The following TMEM39B variants were observed in gnomAD, a reference collection of about 807,000 sequenced individuals.
TMEM39B encodes transmembrane protein 39B.
A neutral mutation model predicts 52.2 loss-of-function variants in TMEM39B; 23 were observed. That is an observed-to-expected ratio of 0.44 (90% CI 0.32 to 0.62). The LOEUF is 0.62. Among genes scored for constraint, TMEM39B ranks in the 20% least tolerant of loss-of-function variants. The pLI, the probability that TMEM39B is intolerant of heterozygous loss-of-function variation, is 0.06. For synonymous variants in TMEM39B, 285 were observed against 264.0 expected, an observed-to-expected ratio of 1.08 and a Z score of -0.77; for missense variants, 547 against 642.0, an observed-to-expected ratio of 0.85 and a Z score of 1.60.
At chr1:32,099,088 A>C (rs1410654589) in intron 7 of TMEM39B, among the ~76,000 whole-genome samples, 4 of 152,068 alleles carry the variant, frequency 2.6e-5, no homozygotes, top group African/African-American at 9.7e-5. Context: ...CCGTCTCTAC[A>C]AAAAATACAG....
rs1481705701 is a variant in TMEM39B, at chr1:32,102,411, G to A, written c.1237-20G>A. 3 of 1,608,282 alleles carry A rather than the reference G, an allele frequency of 1.9e-6. No individual in the cohort carries two copies. Among genetic ancestry groups the A allele is most frequent in the South Asian group, 1.1e-5 (1 of 90,432 alleles). On this transcript the variant is annotated intron_variant, in intron 8 of 8. Transcript: ENST00000336294. ...TTTCTGGAGCACACCTTTTAGCCAT[G>A]CCCACCCGCTTCCGGGCAGTTCTTT...
intron 5 of TMEM39B, among the ~76,000 whole-genome samples, chr1:32,086,603 C>T (rs772909349): frequency 4.6e-5 from 7 of 151,930 alleles, no homozygotes; most frequent in Non-Finnish European, 8.8e-5. Context: ...GCCATCTCTA[C>T]CAAAAATACA....
chr1:32,074,129 G>A (rs1223914887), intron 1 of TMEM39B, among the ~76,000 whole-genome samples: 1 of 152,068 alleles, frequency 6.6e-6, no homozygotes, highest in African/African-American at 2.4e-5. Context: ...GGGCTAGACT[G>A]CTCAGCCTAG....
At chr1:32,079,898 T>C (rs918500966) in intron 5 of TMEM39B, among the ~76,000 whole-genome samples, 3 of 152,042 alleles carry the variant, frequency 2.0e-5, no homozygotes, top group Non-Finnish European at 4.4e-5. Flanking sequence ...GCCTCCCAAG[T>C]AGCTGAGACT....
At chr1:32,100,346 G>A in intron 7 of TMEM39B, 96 bp from the exon 8 acceptor site, 1 of 1,354,558 alleles carries the variant, frequency 7.4e-7, no homozygotes, top group Admixed American at 3.0e-5. Flanking sequence ...GATAGAAATG[G>A]GAGTAGAGCC....
chr1:32,096,949 G>T (rs192694850), intron 7 of TMEM39B, among the ~76,000 whole-genome samples: 1 of 151,978 alleles, frequency 6.6e-6, no homozygotes, highest in Non-Finnish European at 1.5e-5. Context: ...GATTACAGGC[G>T]CATGCCACCA....
intron 5 of TMEM39B, among the ~76,000 whole-genome samples, chr1:32,077,528 C>T (rs1336252271): frequency 1.4e-4 from 22 of 152,222 alleles, no homozygotes; most frequent in Admixed American, 1.4e-3. Context: ...TTACCCAGCT[C>T]TCACTATGGG....
intron 6 of TMEM39B, among the ~76,000 whole-genome samples, chr1:32,093,763 C>A (rs933784123): frequency 1.3e-5 from 2 of 151,330 alleles, no homozygotes; most frequent in Non-Finnish European, 2.9e-5. Flanking sequence ...ATAAGTGTTA[C>A]AATCCTCCTA....
At chr1:32,073,697 G>A in intron 1 of TMEM39B, 1 of 985,390 alleles carries the variant, frequency 1.0e-6, no homozygotes, top group Non-Finnish European at 1.2e-6. Flanking sequence ...TCTGGTCTGG[G>A]GGTTTATGGA....
At chr1:32,073,111 A>G in intron 1 of TMEM39B, 60 bp downstream of exon 1, 1 of 1,393,146 alleles carries the variant, frequency 7.2e-7, no homozygotes, top group Non-Finnish European at 9.4e-7. Flanking sequence ...TAGGATGGCC[A>G]GGCTGCTAAT....
At chr1:32,086,113 C>T (rs537951039) in intron 5 of TMEM39B, among the ~76,000 whole-genome samples, 1 of 152,194 alleles carries the variant, frequency 6.6e-6, no homozygotes, top group East Asian at 1.9e-4. Flanking sequence ...TCTCAGTTTA[C>T]TCAATTTCTT....
intron 8 of TMEM39B, 123 bp from the exon 9 acceptor site, chr1:32,102,308 C>A: frequency 7.4e-7 from 1 of 1,345,960 alleles, no homozygotes; most frequent in Non-Finnish European, 1.0e-6. Flanking sequence ...AAGTCTTCTT[C>A]CCCACCCATG....
chr1:32,089,665 T>TA (rs1361356721), intron 5 of TMEM39B, among the ~76,000 whole-genome samples: 5 of 150,364 alleles, frequency 3.3e-5, no homozygotes, highest in Non-Finnish European at 7.4e-5. Context: ...TTTTTTTTTT[T>TA]AAATGGAGTC....
At chr1:32,100,263 T>C (rs759767066) in intron 7 of TMEM39B, among the ~76,000 whole-genome samples, 179 bp from the exon 8 acceptor site, 11 of 152,160 alleles carry the variant, frequency 7.2e-5, no homozygotes, top group Non-Finnish European at 1.3e-4. Flanking sequence ...TACAGTGAAT[T>C]CCTCATGATT....
chr1:32,072,521 TG>T (rs1639684849), upstream of TMEM39B: 1 of 155,636 alleles, frequency 6.4e-6, no homozygotes, highest in African/African-American at 2.4e-5. Context: ...AGATCGGATG[TG>T]GGGGCCGAGG....
rs1243051022 is a variant in TMEM39B at position 32,074,990 on chromosome 1, A to G, written c.44A>G (p.Asn15Ser). 6.4e-7 allele frequency: 1 copy of G among 1,551,600 alleles called. No individual in the cohort carries two copies. The highest frequency in any genetic ancestry group is 1.7e-4 in the Middle Eastern group (1 of 5,990). Reference sequence around the variant, plus strand: ...CCCAACAGGACATCTTACTGTCGAAATCCGCTCTGTGAGCCGGGATCCTCG... The same window carrying G: ...CCCAACAGGACATCTTACTGTCGAAGTCCGCTCTGTGAGCCGGGATCCTCG... ...RGPNRTSYCR[N>S]PLCEPGSSGG... Residue 15 changes from asparagine (N) to serine (S), a missense_variant, in exon 2 of 9, where the codon AAT becomes AGT. Transcript: ENST00000336294.
At chr1:32,088,146 G>A (rs1640448193) in intron 5 of TMEM39B, among the ~76,000 whole-genome samples, 1 of 136,812 alleles carries the variant, frequency 7.3e-6, no homozygotes, top group African/African-American at 2.7e-5. Context: ...AGCCAGGCAC[G>A]GTGGCTCATG....
chr1:32,101,249 G>A (rs1435706333), intron 8 of TMEM39B, among the ~76,000 whole-genome samples: 1 of 151,992 alleles, frequency 6.6e-6, no homozygotes, highest in South Asian at 2.1e-4. Flanking sequence ...GATATGCTAG[G>A]GTTATCTCTG....
rs779224876 is a variant in TMEM39B, at chr1:32,083,986, G to GACACAC, written c.590+6670_590+6675dup. 2.2e-3 allele frequency among the ~76,000 whole-genome samples: 339 copies of GACACAC among 151,522 alleles called. 4 individuals are homozygous for GACACAC. Among genetic ancestry groups the GACACAC allele is most frequent in the South Asian group, 0.014 (68 of 4,788 alleles). On this transcript the variant is annotated intron_variant, in intron 5 of 8. Coordinates refer to ENST00000336294, the MANE Select transcript of TMEM39B (RefSeq NM_018056.4). ...GGCAATAGAGCAAGACCCTGTTTCA[G>GACACAC]ACACACAGACACACACACACACACA...
Sources: allele counts gnomAD v4.1 joint callset (sites outside exome capture counted in the v4.1 genomes callset), GRCh38; gene constraint gnomAD v4.1.1; transcripts MANE v1.5; gene names NCBI Gene and HGNC (gene_info 2026-07-23, HGNC 2026-07-21).